KIRREL3: variants seen among roughly 807,000 people sequenced by gnomAD.
The protein encoded by KIRREL3 is kin of IRRE-like protein 3.
In KIRREL3, 36 loss-of-function variants were observed where a neutral mutation model predicts 89.7. The observed-to-expected ratio is 0.40, with a 90% CI of 0.31 to 0.53. The LOEUF is 0.53. Ranked by LOEUF, KIRREL3 falls within the 20% of genes least tolerant of loss-of-function variation. KIRREL3 has a pLI of 0.49. For synonymous variants in KIRREL3, 445 were observed against 441.4 expected (o/e 1.01, Z -0.10); for missense variants, 864 against 1,056.6 (o/e 0.82, Z 2.53).
chr11:126,524,702 T>C (rs1255012160), intron 3 of KIRREL3, among the ~76,000 whole-genome samples: 1 of 152,108 alleles, frequency 6.6e-6, no homozygotes, highest in Non-Finnish European at 1.5e-5. Context: ...GGGGGCCACA[T>C]GGGTACAGTA....
chr11:126,894,781 T>C (rs1391277823), intron 1 of KIRREL3, among the ~76,000 whole-genome samples: 1 of 151,716 alleles, frequency 6.6e-6, no homozygotes, highest in Non-Finnish European at 1.5e-5. Context: ...GTGTTAAGTA[T>C]AATAAAGAGG....
intron 4 of KIRREL3, among the ~76,000 whole-genome samples, chr11:126,514,174 A>G: frequency 6.6e-6 from 1 of 152,124 alleles, no homozygotes; most frequent in East Asian, 1.9e-4. Context: ...CACAGCTCCC[A>G]TGTGGAACCT....
intron 1 of KIRREL3, among the ~76,000 whole-genome samples, chr11:126,886,900 A>G (rs561430360): frequency 5.3e-5 from 8 of 152,314 alleles, no homozygotes; most frequent in African/African-American, 1.9e-4. Context: ...TCACATTCCA[A>G]TGGTGATCAG....
intron 1 of KIRREL3, among the ~76,000 whole-genome samples, chr11:126,738,998 A>G (rs1948893778): frequency 6.6e-6 from 1 of 152,240 alleles, no homozygotes; most frequent in Non-Finnish European, 1.5e-5. Context: ...TATATTATCT[A>G]ATTCTCATAA....
chr11:126,916,204 T>C (rs1369478176), intron 1 of KIRREL3, among the ~76,000 whole-genome samples: 2 of 152,194 alleles, frequency 1.3e-5, no homozygotes, highest in African/African-American at 2.4e-5. Context: ...TAAGATCTTA[T>C]GGCTGGTCAG....
In KIRREL3 at chr11:126,562,696, T is replaced by C. The variant is rs1326429951; in HGVS notation, c.133+139A>G. On this transcript the variant is annotated intron_variant, in intron 2 of 16. Transcript: ENST00000525144. The surrounding 1 kb of genome is among the most constrained non-coding windows in gnomAD (Gnocchi z 4.7). ...CCATGTGATTGTACAAATGGCTTCA[T>C]GGAAACCAAACTGGTCTTCCCACTG... is the stretch of plus-strand genomic sequence containing the variant. 1.1e-5 allele frequency: 7 copies of C among 616,096 alleles called. No individual in the cohort carries two copies. The highest frequency in any genetic ancestry group is 2.8e-5 in the East Asian group (1 of 35,368). The allele number at this position is 616,096 out of a possible 1,614,324, so 38.2% of individuals were successfully genotyped here. A position where few individuals can be genotyped will look rare whatever the true frequency, so the allele number is the denominator to read the frequency against.
intron 1 of KIRREL3, among the ~76,000 whole-genome samples, chr11:126,721,529 CAAAAA>C (rs11410774): frequency 5.2e-5 from 7 of 135,798 alleles, no homozygotes; most frequent in African/African-American, 1.1e-4. Flanking sequence ...AACTCCGTCT[CAAAAA>C]AAAAAAAAAA....
rs181792379 is a variant in KIRREL3 at position 126,910,395 on chromosome 11, T to A, written c.55+90060A>T. Reference sequence around the variant, plus strand: ...GTTGGGGCCTAGTGGGTAGAAAAGATCTTGAAGCTTCTGATTAGGACTTTG... The same window carrying A: ...GTTGGGGCCTAGTGGGTAGAAAAGAACTTGAAGCTTCTGATTAGGACTTTG... On this transcript the variant is annotated intron_variant, in intron 1 of 16. Transcript: ENST00000525144. Among the ~76,000 whole-genome samples, 6 of 152,148 alleles carry A rather than the reference T, an allele frequency of 3.9e-5. No individual in the cohort carries two copies. In the East Asian group the frequency reaches 1.2e-3, roughly 29 times the overall value.
At chr11:126,789,584 G>T (rs376866335) in intron 1 of KIRREL3, among the ~76,000 whole-genome samples, 1 of 152,086 alleles carries the variant, frequency 6.6e-6, no homozygotes, top group African/African-American at 2.4e-5. Flanking sequence ...CCAAAAAATT[G>T]TTTTGCCCTT....
chr11:126,442,355 A>C (rs1034372648), intron 10 of KIRREL3, among the ~76,000 whole-genome samples: 1 of 137,758 alleles, frequency 7.3e-6, no homozygotes, highest in African/African-American at 2.7e-5. Flanking sequence ...CACACACACA[A>C]AACCTTTTCC....
At chr11:126,874,882 C>A (rs1945222677) in intron 1 of KIRREL3, among the ~76,000 whole-genome samples, 1 of 152,126 alleles carries the variant, frequency 6.6e-6, no homozygotes, top group South Asian at 2.1e-4. Flanking sequence ...CTAAGACATA[C>A]AGGCCTAGAG....
chr11:126,932,798 CT>C (rs1187726614), intron 1 of KIRREL3, among the ~76,000 whole-genome samples: 1 of 152,254 alleles, frequency 6.6e-6, no homozygotes, highest in African/African-American at 2.4e-5. Flanking sequence ...GAGATTTCAC[CT>C]CCTGGCCACG....
intron 1 of KIRREL3, among the ~76,000 whole-genome samples, chr11:126,621,572 A>G (rs1469959423): frequency 1.3e-5 from 2 of 152,224 alleles, no homozygotes; most frequent in Non-Finnish European, 2.9e-5. Context: ...TCAAAATGAT[A>G]CTACTCTTAG....
chr11:126,447,956 G>A (rs947381545), intron 8 of KIRREL3, among the ~76,000 whole-genome samples: 12 of 152,214 alleles, frequency 7.9e-5, no homozygotes, highest in African/African-American at 2.7e-4. Context: ...ATGGCAGTGC[G>A]CTGCCTTGCT....
At chr11:126,875,139 G>A (rs1945235704) in intron 1 of KIRREL3, among the ~76,000 whole-genome samples, 1 of 152,110 alleles carries the variant, frequency 6.6e-6, no homozygotes, top group Non-Finnish European at 1.5e-5. Context: ...CAACCAACCA[G>A]TCAACCAATC....
intron 1 of KIRREL3, among the ~76,000 whole-genome samples, chr11:126,598,379 A>G (rs1221420671): frequency 6.6e-6 from 1 of 152,250 alleles, no homozygotes; most frequent in African/African-American, 2.4e-5. Flanking sequence ...ACCCAAGTTA[A>G]CCAAATATGG....
rs1946719597 is a variant in KIRREL3 at position 126,687,736 on chromosome 11, G to A, written c.56-124824C>T. ...GGGGATACAAAGATAAGTGCTCTGA[G>A]GCCCCTATTCTCAGAGTGCTCAGTC... is the stretch of plus-strand genomic sequence containing the variant. On this transcript the variant is annotated intron_variant, in intron 1 of 16. Transcript: ENST00000525144. The surrounding 1 kb of genome is among the most constrained non-coding windows in gnomAD (Gnocchi z 4.6). Among the ~76,000 whole-genome samples, 1 of 152,186 alleles carries A rather than the reference G, an allele frequency of 6.6e-6. No individual in the cohort carries two copies. Among genetic ancestry groups the A allele is most frequent in the African/African-American group, 2.4e-5 (1 of 41,440 alleles).
rs1347351064 is a variant in KIRREL3, at chr11:126,748,239, T to G, written c.56-185327A>C. 6.6e-6 allele frequency among the ~76,000 whole-genome samples: 1 copy of G among 152,206 alleles called. No individual in the cohort carries two copies. The highest frequency in any genetic ancestry group is 2.4e-5 in the African/African-American group (1 of 41,464). On this transcript the variant is annotated intron_variant, in intron 1 of 16. Coordinates refer to ENST00000525144, the MANE Select transcript of KIRREL3 (RefSeq NM_032531.4). The surrounding 1 kb of genome is among the most constrained non-coding windows in gnomAD (Gnocchi z 4.6). ...CTTCTGGGTGTGCAGACAATCTCAC[T>G]GTTTCACCAGCCACTTCCTTTTACT... is the stretch of plus-strand genomic sequence containing the variant.
intron 4 of KIRREL3, among the ~76,000 whole-genome samples, chr11:126,497,177 AGTGTGTGAGAGT>A (rs1957683967): frequency 7.3e-6 from 1 of 136,642 alleles, no homozygotes; most frequent in African/African-American, 2.7e-5. Flanking sequence ...TGTGTAAGAG[AGTGTGTGAGAGT>A]GTGAGTGTGT....
Sources: allele counts gnomAD v4.1 joint callset (sites outside exome capture counted in the v4.1 genomes callset), GRCh38; gene constraint gnomAD v4.1.1; non-coding constraint Gnocchi (gnomAD v3.1); transcripts MANE v1.5; gene names NCBI Gene and HGNC (gene_info 2026-07-23, HGNC 2026-07-21).